The following NCAN variants were observed in gnomAD, a reference collection of about 807,000 sequenced individuals.
NCAN encodes neurocan, also known as neurocan core protein.
A neutral mutation model predicts 121.8 loss-of-function variants in NCAN; 47 were observed. The observed-to-expected ratio is 0.39, with a 90% CI of 0.31 to 0.49. The LOEUF (loss-of-function observed/expected upper bound fraction) is 0.49, where lower values mean the gene tolerates loss of function less well. Among genes scored for constraint, NCAN ranks in the 20% least tolerant of loss-of-function variants. The pLI is 0.92. For synonymous variants in NCAN, 633 were observed against 702.0 expected, an observed-to-expected ratio of 0.90 and a Z score of 1.55; for missense variants, 1,517 against 1,773.4, an observed-to-expected ratio of 0.86 and a Z score of 2.60.
intron 8 of NCAN, among the ~76,000 whole-genome samples, chr19:19,229,113 C>T (rs2060849050): frequency 6.6e-6 from 1 of 152,216 alleles, no homozygotes; most frequent in African/African-American, 2.4e-5. Flanking sequence ...GAAGCTGAGG[C>T]ATAAGAATCG....
At chr19:19,245,605 G>A in intron 13 of NCAN, 148 bp downstream of exon 13, 5 of 899,968 alleles carry the variant, frequency 5.6e-6, no homozygotes, top group Non-Finnish European at 8.2e-6. Context: ...AGCTTCCCGA[G>A]TAGGTGGGAC....
chr19:19,215,996 C>T (rs2060794711), intron 1 of NCAN, among the ~76,000 whole-genome samples: 1 of 152,064 alleles, frequency 6.6e-6, no homozygotes. Context: ...TGATGTTATC[C>T]CCATCTGACC....
intron 10 of NCAN, among the ~76,000 whole-genome samples, chr19:19,236,851 A>G (rs2060882966): frequency 6.6e-6 from 1 of 151,766 alleles, no homozygotes; most frequent in South Asian, 2.1e-4. Flanking sequence ...GCTTCAGCCT[A>G]CCCAGTAGCT....
At chr19:19,235,132 G>C in intron 10 of NCAN, 36 bp downstream of exon 10, 1 of 1,483,494 alleles carries the variant, frequency 6.7e-7, no homozygotes, top group Non-Finnish European at 9.4e-7. Context: ...ACAGTACCAA[G>C]AGTGGGGTTG....
chr19:19,249,439 C>T (rs535068435), intron 14 of NCAN, among the ~76,000 whole-genome samples: 11 of 152,228 alleles, frequency 7.2e-5, no homozygotes, highest in African/African-American at 2.6e-4. Flanking sequence ...TCAATCACAG[C>T]TCACTATAGC....
In NCAN at chr19:19,249,866, A is replaced by G. The variant is rs190960678; in HGVS notation, c.3921A>G (p.Lys1307=). ...GCAAGGAGCGCAGAAAACACAAGAA[A>G]CACCCAACGGAGGACTGGGAGAAGG... The part of the protein sequence containing the change: ...KSRKERRKHK[K]HPTEDWEKDE... The change falls in exon 15 of 15, where the codon AAA becomes AAG. Residue 1307 remains lysine, a synonymous_variant. Transcript: ENST00000252575. 5.6e-6 allele frequency: 9 copies of G among 1,614,038 alleles called. No homozygotes were observed. In the East Asian group the frequency reaches 2.0e-4, roughly 36 times the overall value.
intron 3 of NCAN, among the ~76,000 whole-genome samples, chr19:19,223,545 T>C (rs1426781780): frequency 6.6e-6 from 1 of 152,156 alleles, no homozygotes; most frequent in Non-Finnish European, 1.5e-5. Flanking sequence ...CAATCCCGGC[T>C]CACCGCAACC....
Position 19,214,029 on chromosome 19 carries a change from CACA to C in NCAN, c.-8+1969_-8+1971del, listed in dbSNP as rs754630304. Among the ~76,000 whole-genome samples, 13 of 152,318 alleles carry C rather than the reference CACA, an allele frequency of 8.5e-5. No individual in the cohort carries two copies. The East Asian group carries it at 2.5e-3, about 29-fold the overall frequency. On this transcript the variant is annotated intron_variant, in intron 1 of 14. Transcript: ENST00000252575. ...CACGGAGCTGCTGCAGGCTCACACACACAACATGCACCCACCACATGGCACAAC... is the reference window on the plus strand; with the variant it reads ...CACGGAGCTGCTGCAGGCTCACACACACATGCACCCACCACATGGCACAAC...
chr19:19,248,548 C>T, intron 13 of NCAN, 152 bp from the exon 14 acceptor site: 1 of 643,652 alleles, frequency 1.6e-6, no homozygotes, highest in Non-Finnish European at 2.5e-6. Flanking sequence ...TCGCTTGAAC[C>T]AGAGAGGCGG....
chr19:19,248,126 C>T (rs1275030986), intron 13 of NCAN, among the ~76,000 whole-genome samples: 2 of 149,998 alleles, frequency 1.3e-5, no homozygotes, highest in South Asian at 2.1e-4. Flanking sequence ...CCAGCCTGAG[C>T]GACAAAGGAA....
At chr19:19,214,454 G>T (rs566116786) in intron 1 of NCAN, among the ~76,000 whole-genome samples, 1 of 151,922 alleles carries the variant, frequency 6.6e-6, no homozygotes, top group Non-Finnish European at 1.5e-5. Context: ...TGTGTGGGGG[G>T]TGTGCACCTG....
rs769428851 is a variant in NCAN at position 19,227,487 on chromosome 19, C to T, written c.1867C>T (p.Pro623Ser). ...CAGCCCTGCCCCCTGGGAGGCATTC[C>T]CTGTGGCCACCTCCCCAGATCTCCC... ...APSPAPWEAFPVATSPDLPMM... is the reference protein window; with the variant it reads ...APSPAPWEAFSVATSPDLPMM... The change falls in exon 8 of 15, where the codon CCT becomes TCT. Residue 623 changes from proline (P) to serine (S), a missense_variant. By Grantham distance (74) the Pro-to-Ser change is moderately conservative (BLOSUM62 -1). Coordinates refer to ENST00000252575, the MANE Select transcript of NCAN (RefSeq NM_004386.3). This position sits in a 1 kb window ranked among gnomAD's most constrained non-coding sequence, Gnocchi z 4.2. The T allele has an allele frequency of 1.9e-6, 3 of 1,613,434 alleles. No individual in the cohort carries two copies. Among genetic ancestry groups the T allele is most frequent in the Non-Finnish European group, 2.5e-6 (3 of 1,179,874 alleles).
rs761798080 is a variant in NCAN at position 19,224,318 on chromosome 19, C to T, written c.663C>T (p.Thr221=). Residue 221 remains threonine, a synonymous_variant, in exon 5 of 15, where the codon ACC becomes ACT. Coordinates refer to ENST00000252575, the MANE Select transcript of NCAN (RefSeq NM_004386.3). ...LSDRTVRYPI[T]QSRPGCYGDR... ...CTTGTGTTGTCAGGTATCCTATCACCCAGTCCCGTCCTGGTTGCTATGGCG... is the reference window on the plus strand; with the variant it reads ...CTTGTGTTGTCAGGTATCCTATCACTCAGTCCCGTCCTGGTTGCTATGGCG... The T allele has an allele frequency of 6.2e-7, 1 of 1,613,916 alleles. No individual in the cohort carries two copies. Among genetic ancestry groups the T allele is most frequent in the South Asian group, 1.1e-5 (1 of 91,058 alleles).
At position 19,249,849 on chromosome 19, in the gene NCAN, C is replaced by G; in HGVS notation, c.3904C>G (p.Arg1302Gly). 6 of 1,614,072 alleles carry G rather than the reference C, an allele frequency of 3.7e-6. No homozygotes were observed. The highest frequency in any genetic ancestry group is 5.1e-6 in the Non-Finnish European group (6 of 1,180,022). Reference sequence around the variant, plus strand: ...TCACCACCACAAATCCCGCAAGGAGCGCAGAAAACACAAGAAACACCCAAC... The same window carrying G: ...TCACCACCACAAATCCCGCAAGGAGGGCAGAAAACACAAGAAACACCCAAC... Reference protein sequence around the residue: ...QHHHHKSRKERRKHKKHPTED... With the variant: ...QHHHHKSRKEGRKHKKHPTED... Residue 1302 changes from arginine to glycine, a missense_variant, in exon 15 of 15, where the codon CGC (arginine) becomes GGC (glycine). Physicochemically the swap from Arg to Gly is moderately radical, Grantham distance 125. Coordinates refer to ENST00000252575, the MANE Select transcript of NCAN (RefSeq NM_004386.3).
At chr19:19,221,434 G>A (rs2060816405) in intron 3 of NCAN, among the ~76,000 whole-genome samples, 1 of 151,936 alleles carries the variant, frequency 6.6e-6, no homozygotes, top group South Asian at 2.1e-4. Flanking sequence ...CAGGCATGGT[G>A]GCACATTCCT....
chr19:19,239,077 G>C (rs1312258263), intron 11 of NCAN, among the ~76,000 whole-genome samples: 1 of 151,598 alleles, frequency 6.6e-6, no homozygotes, highest in Non-Finnish European at 1.5e-5. Context: ...CCTCCTGAGC[G>C]ACTGGCTCGC....
chr19:19,244,181 T>A (rs2060915208), intron 12 of NCAN, among the ~76,000 whole-genome samples: 1 of 152,084 alleles, frequency 6.6e-6, no homozygotes, highest in Non-Finnish European at 1.5e-5. Flanking sequence ...CCCAGCCCCA[T>A]CACGCAGCTC....
At chr19:19,246,625 T>A (rs1402813946) in intron 13 of NCAN, among the ~76,000 whole-genome samples, 1 of 151,294 alleles carries the variant, frequency 6.6e-6, no homozygotes, top group Admixed American at 6.6e-5. Flanking sequence ...CCTCCGCCTC[T>A]GAGGTTCAAG....
rs770807677 is a variant in NCAN, at chr19:19,225,065, G to A, written c.867G>A (p.Ser289=). ...GCCGCCAGGGTGCCGCGCTGGCCTC[G>A]GTGGGACAGCTGCACCTGGCCTGGC... ...QCRRQGAALA[S]VGQLHLAWHE... The change falls in exon 6 of 15, where the codon TCG becomes TCA. Residue 289 remains serine (S), a synonymous_variant. Coordinates refer to ENST00000252575, the MANE Select transcript of NCAN (RefSeq NM_004386.3). The surrounding 1 kb of genome is among the most constrained non-coding windows in gnomAD (Gnocchi z 4.0). The A allele has an allele frequency of 1.3e-6, 2 of 1,523,286 alleles. No individual in the cohort carries two copies. Among genetic ancestry groups the A allele is most frequent in the Middle Eastern group, 2.2e-4 (1 of 4,452 alleles). The allele number at this position is 1,523,286 out of a possible 1,614,324, so 94.4% of individuals were successfully genotyped here. A position where few individuals can be genotyped will look rare whatever the true frequency, so the allele number is the denominator to read the frequency against.
Sources: gnomAD v4.1 joint callset for allele counts (sites outside exome capture counted in the v4.1 genomes callset) on GRCh38, gnomAD v4.1.1 for gene constraint, Gnocchi (gnomAD v3.1) non-coding constraint, MANE v1.5 for transcripts, NCBI Gene and HGNC (gene_info 2026-07-23, HGNC 2026-07-21) for gene names.